LRP2: variants seen among roughly 807,000 people sequenced by gnomAD.
The protein encoded by LRP2 is LDL receptor related protein 2, also known as low-density lipoprotein receptor-related protein 2.
In LRP2, 172 loss-of-function variants were observed where a neutral mutation model predicts 531.0. The ratio of observed to expected loss-of-function variants is 0.32; its 90% CI spans 0.29 to 0.37. LRP2 has a LOEUF of 0.37. Ranked by LOEUF, LRP2 falls within the 10% of genes least tolerant of loss-of-function variation. The pLI is 1.00. For missense variants in LRP2, 5,167 were observed against 5,868.3 expected, an observed-to-expected ratio of 0.88 and a Z score of 3.90; for synonymous variants, 1,992 against 2,027.6, an observed-to-expected ratio of 0.98 and a Z score of 0.47.
In LRP2 at chr2:169,153,079, A is replaced by G. The variant is rs970066657; in HGVS notation, c.12296-115T>C. ...TATTGACATCTCTACCTCCCTCCTC[A>G]CTGTTGTTATAATATGAATAATTCA... On this transcript the variant is annotated intron_variant, in intron 66 of 78. Transcript: ENST00000649046. 9 of 903,014 alleles carry G rather than the reference A, an allele frequency of 1.0e-5. No homozygotes were observed. The African/African-American group carries it at 1.5e-4, about 15-fold the overall frequency. The allele number at this position is 903,014 out of a possible 1,614,324, so 55.9% of individuals were successfully genotyped here. A position where few individuals can be genotyped will look rare whatever the true frequency, so the allele number is the denominator to read the frequency against.
Position 169,243,474 on chromosome 2 carries a change from C to G in LRP2, c.3479G>C (p.Arg1160Pro). 1 of 1,614,102 alleles carries G rather than the reference C, an allele frequency of 6.2e-7. No individual in the cohort carries two copies. Among genetic ancestry groups the G allele is most frequent in the East Asian group, 2.2e-5 (1 of 44,890 alleles). Reference sequence around the variant, plus strand: ...ACAGACAAACGATAGGTCAATACATCGATGATTGGGGCAATTAAACTGACT... The same window carrying G: ...ACAGACAAACGATAGGTCAATACATGGATGATTGGGGCAATTAAACTGACT... ...QPSQFNCPNH[R>P]CIDLSFVCDG... is the part of the protein sequence containing the mutation. The change falls in exon 23 of 79, where the codon CGA (arginine) becomes CCA (proline). Residue 1160 changes from arginine (R) to proline (P), a missense_variant. Coordinates refer to ENST00000649046, the MANE Select transcript of LRP2 (RefSeq NM_004525.3).
rs186565714 is a variant in LRP2, at chr2:169,338,428, A to G, written c.80-17544T>C. Among the ~76,000 whole-genome samples the G allele has an allele frequency of 1.7e-3, 233 of 141,080 alleles. 1 individual carries two copies. Among genetic ancestry groups the G allele is most frequent in the Admixed American group, 0.015 (218 of 14,168 alleles). 92.6% of individuals were successfully genotyped at this position (141,080 alleles called of 152,430 possible). On this transcript the variant is annotated intron_variant, in intron 1 of 78. Coordinates refer to ENST00000649046, the MANE Select transcript of LRP2 (RefSeq NM_004525.3). ...AGAAAGAAAAGAAAAGAAAAGAAAA[A>G]AGGAGGAAGACGGAGGGAGGAAAGG...
intron 31 of LRP2, among the ~76,000 whole-genome samples, chr2:169,231,008 A>G (rs980607635): frequency 6.6e-5 from 10 of 152,166 alleles, no homozygotes; most frequent in African/African-American, 1.9e-4. Context: ...AAATGAGACA[A>G]TGGAGCCAGG....
chr2:169,152,731 T>G, intron 67 of LRP2, 68 bp downstream of exon 67: 1 of 1,547,404 alleles, frequency 6.5e-7, no homozygotes. Flanking sequence ...TCATGGCCCA[T>G]GGAGTGCAGT....
At chr2:169,244,165 C>G (rs191056347) in intron 22 of LRP2, among the ~76,000 whole-genome samples, 12 of 152,298 alleles carry the variant, frequency 7.9e-5, no homozygotes, top group African/African-American at 2.2e-4. Context: ...GCCCAGGGAA[C>G]TTTGCTCCAT....
chr2:169,328,161 G>A (rs1182721636), intron 1 of LRP2, among the ~76,000 whole-genome samples: 1 of 119,212 alleles, frequency 8.4e-6, no homozygotes, highest in Admixed American at 7.9e-5. Flanking sequence ...CCCTCTGCCG[G>A]GCCAGCCGCC....
intron 16 of LRP2, among the ~76,000 whole-genome samples, chr2:169,264,650 G>T (rs979147515): frequency 1.3e-5 from 2 of 152,000 alleles, no homozygotes; most frequent in East Asian, 3.9e-4. Context: ...AGTTAAGAAG[G>T]GGAAAATGCT....
chr2:169,137,613 A>G, intron 75 of LRP2, 120 bp from the exon 76 acceptor site: 1 of 494,340 alleles, frequency 2.0e-6, no homozygotes, highest in Non-Finnish European at 4.0e-6. Flanking sequence ...GAGGTACGCT[A>G]GGTGCTACGT....
intron 70 of LRP2, among the ~76,000 whole-genome samples, chr2:169,143,786 G>A (rs1200712456): frequency 6.6e-6 from 1 of 152,126 alleles, no homozygotes; most frequent in Non-Finnish European, 1.5e-5. Flanking sequence ...TTCTACCTTA[G>A]CATGTATTAT....
chr2:169,142,438 A>G (rs185443158), intron 71 of LRP2, among the ~76,000 whole-genome samples: 10 of 152,234 alleles, frequency 6.6e-5, no homozygotes, highest in Non-Finnish European at 1.2e-4. Context: ...ATTTAGGGAC[A>G]CTGGATCTAT....
chr2:169,232,060 G>A lies in LRP2; in HGVS notation c.5099-218C>T, dbSNP rs966542457. Among the ~76,000 whole-genome samples, 18 of 152,052 alleles carry A rather than the reference G, an allele frequency of 1.2e-4. 1 individual carries two copies. Among genetic ancestry groups the A allele is most frequent in the Admixed American group, 1.1e-3 (17 of 15,272 alleles). Reference sequence around the variant, plus strand: ...TCAACTTAGAATTCATAAGAGACACGAGAGAGGAGAATGACTCAAGGTTAC... The same window carrying A: ...TCAACTTAGAATTCATAAGAGACACAAGAGAGGAGAATGACTCAAGGTTAC... On this transcript the variant is annotated intron_variant, in intron 30 of 78. Transcript: ENST00000649046.
chr2:169,318,851 C>A lies in LRP2; in HGVS notation c.221G>T (p.Cys74Phe), dbSNP rs1260276729. Residue 74 changes from cysteine to phenylalanine, a missense_variant, in exon 3 of 79, where the codon TGC becomes TTC. Cys to Phe is a radical substitution (Grantham distance 205). Around this residue, in one of 6 missense-constraint regions of LRP2, gnomAD observed 2,811 missense variants for 3,058.0 expected, o/e 0.92. Coordinates refer to ENST00000649046, the MANE Select transcript of LRP2 (RefSeq NM_004525.3). ...GGGGATGCATTGTCCCTCACTCTGG[C>A]ACTTGAAATAGCCCTGCTGGCAGGT... ...VVTCQQGYFK[C>F]QSEGQCIPNS... The A allele has an allele frequency of 2.5e-6, 4 of 1,614,134 alleles. No individual in the cohort carries two copies. The highest frequency in any genetic ancestry group is 3.4e-6 in the Non-Finnish European group (4 of 1,180,000).
chr2:169,178,814 A>T (rs1687312798), intron 52 of LRP2, among the ~76,000 whole-genome samples: 1 of 152,158 alleles, frequency 6.6e-6, no homozygotes, highest in African/African-American at 2.4e-5. Context: ...CAAACAGGAG[A>T]TAGAACAAGC....
chr2:169,157,212 G>T (rs764335319), intron 64 of LRP2, among the ~76,000 whole-genome samples, 159 bp downstream of exon 64: 3 of 152,086 alleles, frequency 2.0e-5, no homozygotes, highest in Non-Finnish European at 4.4e-5. Flanking sequence ...GCAGGTGGGG[G>T]AAAGCAATTC....
rs566216372 is a variant in LRP2 at position 169,275,074 on chromosome 2, T to C, written c.1937A>G (p.Tyr646Cys). Residue 646 changes from tyrosine (Y) to cysteine (C), a missense_variant, in exon 14 of 79, where the codon TAT (tyrosine) becomes TGT (cysteine). Around this residue, in one of 6 missense-constraint regions of LRP2, gnomAD observed 2,811 missense variants for 3,058.0 expected, o/e 0.92. Coordinates refer to ENST00000649046, the MANE Select transcript of LRP2 (RefSeq NM_004525.3). ...GAGGGAATGGTAAACAGTCACTCCA[T>C]AGGGCCTCAGGGAAGCCTGGTAGTA... ...QVYYQASLRP[Y>C]GVTVYHSLRQ... 15 of 1,613,670 alleles carry C rather than the reference T, an allele frequency of 9.3e-6. No homozygotes were observed. The highest frequency in any genetic ancestry group is 8.9e-5 in the East Asian group (4 of 44,854).
chr2:169,143,079 T>C (rs775979500), intron 70 of LRP2, among the ~76,000 whole-genome samples: 14 of 152,150 alleles, frequency 9.2e-5, no homozygotes, highest in East Asian at 1.9e-4. Flanking sequence ...GGAAGGTGGG[T>C]ATCTGGTTCA....
chr2:169,241,296 T>G lies in LRP2; in HGVS notation c.3737A>C (p.Asn1246Thr). The G allele has an allele frequency of 6.2e-7, 1 of 1,614,164 alleles. No homozygotes were observed. ...TGGATGCCCATCACATTCCCAGAAG[T>G]TCGGGATGCAGATACCATCTTCTTG... ...QCQEDGICIP[N>T]FWECDGHPDC... is the part of the protein sequence containing the mutation. The change falls in exon 25 of 79, where the codon AAC (asparagine) becomes ACC (threonine). Residue 1246 changes from asparagine (N) to threonine (T), a missense_variant. This residue lies in a region of LRP2 where 2,811 missense variants were observed against 3,058.0 expected (regional missense o/e 0.92). Transcript: ENST00000649046.
intron 1 of LRP2, among the ~76,000 whole-genome samples, chr2:169,349,995 T>C (rs1156610533): frequency 6.6e-6 from 1 of 152,176 alleles, no homozygotes; most frequent in Non-Finnish European, 1.5e-5. Flanking sequence ...AGGAAATCAG[T>C]ATGGAAGCCA....
chr2:169,256,590 T>C (rs1036608014), intron 18 of LRP2, among the ~76,000 whole-genome samples: 7 of 152,092 alleles, frequency 4.6e-5, no homozygotes, highest in Non-Finnish European at 8.8e-5. Context: ...TAAGTTACCT[T>C]GGCATTTCAT....
Sources: gnomAD v4.1 joint callset for allele counts (sites outside exome capture counted in the v4.1 genomes callset) on GRCh38, gnomAD v4.1.1 for gene constraint, gnomAD v4.1.1 regional missense constraint, MANE v1.5 for transcripts, NCBI Gene and HGNC (gene_info 2026-07-23, HGNC 2026-07-21) for gene names.